The following ASTN2 variants were observed in gnomAD, a reference collection of about 807,000 sequenced individuals.
ASTN2 encodes astrotactin 2.
ASTN2 carries 54 observed loss-of-function variants against 139.8 expected under a neutral mutation model. The observed-to-expected ratio is 0.39, with a 90% confidence interval of 0.31 to 0.48. The LOEUF is 0.48. ASTN2 is among the 20% of genes least tolerant of loss of function. The probability of loss-of-function intolerance (pLI) is 0.95; values close to 1 mark genes in which losing one functional copy is unlikely to be tolerated. For missense variants in ASTN2, 1,565 were observed against 1,725.1 expected, an observed-to-expected ratio of 0.91 and a Z score of 1.64; for synonymous variants, 756 against 719.5, an observed-to-expected ratio of 1.05 and a Z score of -0.81.
chr9:116,657,107 T>C (rs1858262811), intron 16 of ASTN2, among the ~76,000 whole-genome samples: 1 of 152,098 alleles, frequency 6.6e-6, no homozygotes, highest in Non-Finnish European at 1.5e-5. Flanking sequence ...AAGAAAGCAA[T>C]TGCTCTGAGG....
intron 4 of ASTN2, among the ~76,000 whole-genome samples, chr9:117,111,344 T>A (rs1343684531): frequency 6.6e-6 from 1 of 152,062 alleles, no homozygotes; most frequent in African/African-American, 2.4e-5. Context: ...GTGATTTTAA[T>A]GACTAAAAAT....
At chr9:117,172,078 A>G (rs1391990692) in intron 3 of ASTN2, among the ~76,000 whole-genome samples, 2 of 152,202 alleles carry the variant, frequency 1.3e-5, no homozygotes, top group Non-Finnish European at 1.5e-5. Flanking sequence ...ATATCAATTT[A>G]TGATCTAAGA....
chr9:116,878,791 A>C (rs1193613824), intron 10 of ASTN2, among the ~76,000 whole-genome samples: 2 of 151,888 alleles, frequency 1.3e-5, no homozygotes, highest in African/African-American at 4.8e-5. Context: ...TTGAAAAAGA[A>C]AAAAAAGTTT....
At chr9:117,164,928 A>T (rs1830635064) in intron 3 of ASTN2, among the ~76,000 whole-genome samples, 1 of 152,104 alleles carries the variant, frequency 6.6e-6, no homozygotes, top group African/African-American at 2.4e-5. Context: ...TAACCTGATG[A>T]GATAAATAAC....
chr9:117,108,714 A>G (rs1236359406), intron 4 of ASTN2, among the ~76,000 whole-genome samples: 3 of 152,214 alleles, frequency 2.0e-5, no homozygotes, highest in Non-Finnish European at 4.4e-5. Context: ...CTCCATCTCC[A>G]AACTGGCTGT....
intron 10 of ASTN2, among the ~76,000 whole-genome samples, chr9:116,964,964 C>T (rs1047161111): frequency 1.3e-5 from 2 of 152,248 alleles, no homozygotes; most frequent in South Asian, 2.1e-4. Flanking sequence ...AAAGTTATCG[C>T]TTCATTTTGT....
At chr9:117,032,811 G>A (rs549969844) in intron 6 of ASTN2, among the ~76,000 whole-genome samples, 1 of 152,154 alleles carries the variant, frequency 6.6e-6, no homozygotes, top group South Asian at 2.1e-4. Context: ...CCAATGTGTG[G>A]GCATTTATAC....
intron 20 of ASTN2, among the ~76,000 whole-genome samples, chr9:116,443,732 G>C (rs918411856): frequency 6.6e-6 from 1 of 152,132 alleles, no homozygotes; most frequent in African/African-American, 2.4e-5. Flanking sequence ...TTGAGCATCT[G>C]AGTGTTCTGT....
At chr9:116,661,104 G>C (rs1858531204) in intron 16 of ASTN2, among the ~76,000 whole-genome samples, 1 of 152,130 alleles carries the variant, frequency 6.6e-6, no homozygotes, top group Non-Finnish European at 1.5e-5. Flanking sequence ...ACACTGCCCA[G>C]TAGCCTAGTA....
At chr9:116,586,801 C>G (rs1854161928) in intron 19 of ASTN2, among the ~76,000 whole-genome samples, 1 of 144,216 alleles carries the variant, frequency 6.9e-6, no homozygotes, top group African/African-American at 2.6e-5. Flanking sequence ...ATCTAAAATA[C>G]CAGTTGAAAT....
chr9:116,887,460 G>T (rs1357649487), intron 10 of ASTN2, among the ~76,000 whole-genome samples: 1 of 151,658 alleles, frequency 6.6e-6, no homozygotes, highest in Non-Finnish European at 1.5e-5. Context: ...GGAAAAAAAC[G>T]TGTTACAAGC....
At chr9:116,856,247 C>T (rs1190586045) in intron 11 of ASTN2, among the ~76,000 whole-genome samples, 1 of 152,200 alleles carries the variant, frequency 6.6e-6, no homozygotes, top group Non-Finnish European at 1.5e-5. Flanking sequence ...TATCATACCC[C>T]ATGTGGCTGA....
intron 18 of ASTN2, among the ~76,000 whole-genome samples, chr9:116,619,330 AGT>A (rs1426236857): frequency 2.0e-5 from 3 of 151,908 alleles, no homozygotes; most frequent in Non-Finnish European, 2.9e-5. Flanking sequence ...GTGAATTTCC[AGT>A]GTCTGGCCCT....
At chr9:117,319,831 T>C (rs1205110050) in intron 1 of ASTN2, among the ~76,000 whole-genome samples, 2 of 152,164 alleles carry the variant, frequency 1.3e-5, no homozygotes, top group Non-Finnish European at 2.9e-5. Flanking sequence ...CCAAGAGATC[T>C]GCACATGAAG....
intron 4 of ASTN2, among the ~76,000 whole-genome samples, chr9:117,100,854 G>C (rs191564059): frequency 2.6e-5 from 4 of 152,310 alleles, no homozygotes; most frequent in Admixed American, 2.6e-4. Flanking sequence ...TTCTATATTT[G>C]TTTATCCATG....
chr9:116,971,279 A>G (rs1250363007), intron 10 of ASTN2, among the ~76,000 whole-genome samples: 6 of 152,150 alleles, frequency 3.9e-5, no homozygotes, highest in Admixed American at 2.0e-4. Context: ...GGAGAATGGG[A>G]GCTGTCCAGG....
At chr9:116,447,515 A>G (rs1848036305) in intron 20 of ASTN2, among the ~76,000 whole-genome samples, 1 of 152,194 alleles carries the variant, frequency 6.6e-6, no homozygotes, top group Non-Finnish European at 1.5e-5. Context: ...AAATGAACAG[A>G]AGATGACTAG....
intron 19 of ASTN2, among the ~76,000 whole-genome samples, chr9:116,491,566 G>A (rs1849519067): frequency 6.6e-6 from 1 of 152,174 alleles, no homozygotes; most frequent in Non-Finnish European, 1.5e-5. Context: ...ACAACAGGAA[G>A]GGTTGTTAAA....
chr9:117,303,946 G>A (rs1408054886), intron 1 of ASTN2, among the ~76,000 whole-genome samples: 1 of 152,190 alleles, frequency 6.6e-6, no homozygotes, highest in Non-Finnish European at 1.5e-5. Flanking sequence ...CCCTGCAATT[G>A]TCATGTGAGA....
Sources: allele counts gnomAD v4.1 joint callset (sites outside exome capture counted in the v4.1 genomes callset), GRCh38; gene constraint gnomAD v4.1.1; transcripts MANE v1.5; gene names NCBI Gene and HGNC (gene_info 2026-07-23, HGNC 2026-07-21).